DYNC2H1: variants seen among roughly 807,000 people sequenced by gnomAD.
DYNC2H1 encodes the protein dynein cytoplasmic 2 heavy chain 1.
A neutral mutation model predicts 570.0 loss-of-function variants in DYNC2H1; 410 were observed. The ratio of observed to expected loss-of-function variants is 0.72; its 90% confidence interval spans 0.66 to 0.78. DYNC2H1 has a LOEUF of 0.78. DYNC2H1 is among the 30% of genes least tolerant of loss of function. DYNC2H1 has a pLI of 0.00. For missense variants in DYNC2H1, 4,865 were observed against 5,046.4 expected (o/e 0.96, Z 1.09); for synonymous variants, 1,688 against 1,677.6 (o/e 1.01, Z -0.15).
chr11:103,469,461 T>G (rs1945300371), intron 88 of DYNC2H1, among the ~76,000 whole-genome samples: 1 of 152,224 alleles, frequency 6.6e-6, no homozygotes, highest in African/African-American at 2.4e-5. Flanking sequence ...ATTTCATATA[T>G]TGCTCACTAC....
At chr11:103,368,164 T>C (rs1940997165) in intron 83 of DYNC2H1, among the ~76,000 whole-genome samples, 1 of 152,226 alleles carries the variant, frequency 6.6e-6, no homozygotes, top group South Asian at 2.1e-4. Context: ...TTTTAGTTTT[T>C]TGAGAAAACT....
intron 79 of DYNC2H1, among the ~76,000 whole-genome samples, chr11:103,313,224 G>T (rs1053425940): frequency 6.6e-6 from 1 of 152,124 alleles, no homozygotes; most frequent in Non-Finnish European, 1.5e-5. Context: ...CAGGCCCTTT[G>T]TGTCACTTGC....
At chr11:103,414,958 T>G (rs2943217) in intron 84 of DYNC2H1, among the ~76,000 whole-genome samples, 91,965 of 152,062 alleles carry the variant, frequency 0.6, 29,827 homozygotes, top group African/African-American at 0.86. Context: ...TGGCAGTACT[T>G]CCCAAAGTAA....
intron 82 of DYNC2H1, among the ~76,000 whole-genome samples, chr11:103,336,114 G>A (rs1439597917): frequency 6.6e-6 from 1 of 152,062 alleles, no homozygotes; most frequent in South Asian, 2.1e-4. Context: ...TCTCTTGCTA[G>A]GCAAAAGTAA....
chr11:103,192,100 C>A lies in DYNC2H1; in HGVS notation c.7544C>A (p.Ser2515Tyr). 6.7e-7 allele frequency: 1 copy of A among 1,498,514 alleles called. No homozygotes were observed. Among genetic ancestry groups the A allele is most frequent in the South Asian group, 1.4e-5 (1 of 71,594 alleles). 92.8% of individuals were successfully genotyped at this position (1,498,514 alleles called of 1,614,324 possible). A position where few individuals can be genotyped will look rare whatever the true frequency, so the allele number is the denominator to read the frequency against. The part of the protein sequence containing the change: ...GLFRYDLEGG[S>Y]SNHPLDYVLE... Reference sequence around the variant, plus strand: ...AATAAAATTTTGCCTTTTCTAGGATCCTCAAACCATCCACTAGATTATGTG... The same window carrying A: ...AATAAAATTTTGCCTTTTCTAGGATACTCAAACCATCCACTAGATTATGTG... Residue 2515 changes from serine to tyrosine, a missense_variant, in exon 47 of 89, where the codon TCC (serine) becomes TAC (tyrosine). Ser to Tyr is a moderately radical substitution (Grantham distance 144). Transcript: ENST00000375735.
At chr11:103,137,382 C>G (rs1194945209) in intron 17 of DYNC2H1, among the ~76,000 whole-genome samples, 1 of 151,552 alleles carries the variant, frequency 6.6e-6, no homozygotes, top group Non-Finnish European at 1.5e-5. Context: ...AGTCTTTAAT[C>G]CATCTTGAAT....
intron 45 of DYNC2H1, among the ~76,000 whole-genome samples, chr11:103,190,836 A>C (rs1322134187): frequency 1.3e-5 from 2 of 151,908 alleles, no homozygotes; most frequent in South Asian, 4.1e-4. Flanking sequence ...AAATTGTTTT[A>C]ATGGTTCCCA....
intron 83 of DYNC2H1, among the ~76,000 whole-genome samples, chr11:103,389,447 A>G (rs1457744524): frequency 1.3e-5 from 2 of 152,022 alleles, no homozygotes; most frequent in Admixed American, 6.5e-5. Flanking sequence ...TCAAAAAACC[A>G]CCTCCTGGAT....
chr11:103,282,215 A>C lies in DYNC2H1; in HGVS notation c.10798A>C (p.Met3600Leu), dbSNP rs1342947749. ...DTFTGVVVGDMLRKADSQQKI... is the reference protein window; with the variant it reads ...DTFTGVVVGDLLRKADSQQKI... ...GTTTACAGGTGTGGTTGTTGGAGAC[A>C]TGTTACGGAAAGCTGTAAGTTAAAA... The change falls in exon 72 of 89, where the codon ATG becomes CTG. Residue 3600 changes from methionine to leucine, a missense_variant. Around this residue, in one of 5 missense-constraint regions of DYNC2H1, gnomAD observed 2,401 missense variants for 2,454.6 expected, o/e 0.98. Transcript: ENST00000375735. 1.2e-6 allele frequency: 2 copies of C among 1,608,486 alleles called. No individual in the cohort carries two copies. Among genetic ancestry groups the C allele is most frequent in the Admixed American group, 3.4e-5 (2 of 59,406 alleles).
At chr11:103,310,061 T>A (rs903136544) in intron 78 of DYNC2H1, among the ~76,000 whole-genome samples, 4 of 152,162 alleles carry the variant, frequency 2.6e-5, no homozygotes, top group Non-Finnish European at 5.9e-5. Context: ...TGCATATATA[T>A]AATATGGGCA....
chr11:103,189,559 A>T lies in DYNC2H1; in HGVS notation c.7293-113A>T. The T allele has an allele frequency of 1.0e-6, 1 of 996,140 alleles. No individual in the cohort carries two copies. The highest frequency in any genetic ancestry group is 2.6e-5 in the East Asian group (1 of 38,246). 61.7% of individuals were successfully genotyped at this position (996,140 alleles called of 1,614,324 possible). A position where few individuals can be genotyped will look rare whatever the true frequency, so the allele number is the denominator to read the frequency against. On this transcript the variant is annotated intron_variant, in intron 44 of 88. Coordinates refer to ENST00000375735, the MANE Select transcript of DYNC2H1 (RefSeq NM_001377.3). This position sits in a 1 kb window ranked among gnomAD's most constrained non-coding sequence, Gnocchi z 4.3. ...AGCCCCCTGGGTAAGCTTTGGAGATATGTAGGTCTTAGAGCAGCACAGTTT... is the reference window on the plus strand; with the variant it reads ...AGCCCCCTGGGTAAGCTTTGGAGATTTGTAGGTCTTAGAGCAGCACAGTTT...
At chr11:103,448,589 A>G (rs552860417) in intron 85 of DYNC2H1, among the ~76,000 whole-genome samples, 1 of 152,318 alleles carries the variant, frequency 6.6e-6, no homozygotes, top group South Asian at 2.1e-4. Context: ...AGGGAACTCA[A>G]TCCACAGTAG....
In DYNC2H1 at chr11:103,111,171, A is replaced by G. The variant is rs568419361; in HGVS notation, c.195+1402A>G. On this transcript the variant is annotated intron_variant, in intron 1 of 88. Coordinates refer to ENST00000375735, the MANE Select transcript of DYNC2H1 (RefSeq NM_001377.3). ...GATTGAATCATTCACCCTATTCACT[A>G]TCTTTATTCTTAGGTTTAATTCGAT... Among the ~76,000 whole-genome samples, 9 of 152,296 alleles carry G rather than the reference A, an allele frequency of 5.9e-5. No individual in the cohort carries two copies. The South Asian group carries it at 1.9e-3, about 32-fold the overall frequency.
chr11:103,266,293 G>A (rs149823170), intron 70 of DYNC2H1, among the ~76,000 whole-genome samples: 5 of 152,196 alleles, frequency 3.3e-5, no homozygotes, highest in African/African-American at 9.6e-5. Context: ...GCACAGCTGC[G>A]GGGAGGGCAT....
chr11:103,355,599 G>A lies in DYNC2H1; in HGVS notation c.12040-2644G>A, dbSNP rs1351654800. 3.3e-5 allele frequency among the ~76,000 whole-genome samples: 5 copies of A among 152,240 alleles called. No individual in the cohort carries two copies. The East Asian group carries it at 9.6e-4, about 29-fold the overall frequency. On this transcript the variant is annotated intron_variant, in intron 82 of 88. Coordinates refer to ENST00000375735, the MANE Select transcript of DYNC2H1 (RefSeq NM_001377.3). ...TGTCTTACAATAAAACATACCAATT[G>A]CTCAGGAAACATAGGTGTTCCTGAA...
chr11:103,115,259 C>A lies in DYNC2H1; in HGVS notation c.585C>A (p.Ala195=). ...RGNKQISKER[A]NYFKELFETI... ...ATAAACAGATTAGTAAAGAAAGAGC[C>A]AATTATTTTAAAGAATTATTTGAAA... Residue 195 remains alanine, a synonymous_variant, in exon 4 of 89, where the codon GCC becomes GCA. Transcript: ENST00000375735. 1 of 1,602,014 alleles carries A rather than the reference C, an allele frequency of 6.2e-7. No individual in the cohort carries two copies. Among genetic ancestry groups the A allele is most frequent in the South Asian group, 1.1e-5 (1 of 88,522 alleles).
At chr11:103,193,737 A>G (rs55819672) in intron 47 of DYNC2H1, among the ~76,000 whole-genome samples, 7,544 of 151,792 alleles carry the variant, frequency 0.05, 251 homozygotes, top group Non-Finnish European at 0.072. Flanking sequence ...TAGTAGAGAC[A>G]GGGCTTCTCC....
chr11:103,294,556 T>C (rs983046761), intron 75 of DYNC2H1, among the ~76,000 whole-genome samples: 7 of 152,296 alleles, frequency 4.6e-5, no homozygotes, highest in Admixed American at 3.3e-4. Context: ...CTCTCTTTCC[T>C]CTCTTTTCCC....
At position 103,290,822 on chromosome 11, in the gene DYNC2H1, GACC is replaced by G. The variant is rs558886410; in HGVS notation, c.11095+3220_11095+3222del. Among the ~76,000 whole-genome samples, 6 of 152,244 alleles carry G rather than the reference GACC, an allele frequency of 3.9e-5. No individual in the cohort carries two copies. In the East Asian group the frequency reaches 1.2e-3, roughly 29 times the overall value. On this transcript the variant is annotated intron_variant, in intron 75 of 88. Transcript: ENST00000375735. ...GGGTTCATAATATTCTGGTTGATAA[GACC>G]ACTAACTTGCTGAGTTATGTTTTAA... is the stretch of plus-strand genomic sequence containing the variant.
Sources: allele counts gnomAD v4.1 joint callset (sites outside exome capture counted in the v4.1 genomes callset), GRCh38; gene constraint gnomAD v4.1.1; regional missense constraint gnomAD v4.1.1; non-coding constraint Gnocchi (gnomAD v3.1); transcripts MANE v1.5; gene names NCBI Gene and HGNC (gene_info 2026-07-23, HGNC 2026-07-21).